ROR2: variants seen among roughly 807,000 people sequenced by gnomAD.
ROR2 encodes ROR family WNT receptor 2.
In ROR2, 33 loss-of-function variants were observed where a neutral mutation model predicts 74.9. The ratio of observed to expected loss-of-function variants is 0.44; its 90% CI spans 0.33 to 0.59. ROR2 has a LOEUF of 0.59. Ranked by LOEUF, ROR2 falls within the 20% of genes least tolerant of loss-of-function variation. The pLI is 0.02. For synonymous variants in ROR2, 586 were observed against 558.7 expected, an observed-to-expected ratio of 1.05 and a Z score of -0.69; for missense variants, 1,216 against 1,313.8, an observed-to-expected ratio of 0.93 and a Z score of 1.15.
intron 1 of ROR2, among the ~76,000 whole-genome samples, chr9:91,821,172 G>C (rs1208374233): frequency 6.6e-6 from 1 of 151,886 alleles, no homozygotes; most frequent in Non-Finnish European, 1.5e-5. Flanking sequence ...AGGACACAGG[G>C]AGAAGACAGC....
intron 1 of ROR2, among the ~76,000 whole-genome samples, chr9:91,925,791 C>T (rs937066129): frequency 1.3e-5 from 2 of 152,130 alleles, no homozygotes; most frequent in African/African-American, 4.8e-5. Flanking sequence ...TTTGGGGGAC[C>T]GATCCTGAGG....
chr9:91,946,769 T>C (rs1832024516), intron 1 of ROR2, among the ~76,000 whole-genome samples: 1 of 147,810 alleles, frequency 6.8e-6, no homozygotes, highest in Non-Finnish European at 1.5e-5. Flanking sequence ...ACTAATAACT[T>C]TTCCCATCCT....
At chr9:91,917,447 A>T (rs937734848) in intron 1 of ROR2, among the ~76,000 whole-genome samples, 3 of 152,246 alleles carry the variant, frequency 2.0e-5, no homozygotes, top group Non-Finnish European at 4.4e-5. Context: ...CTGACACATT[A>T]TGCAGAGGGC....
At chr9:91,784,098 C>T (rs1183952859) in intron 1 of ROR2, among the ~76,000 whole-genome samples, 3 of 152,170 alleles carry the variant, frequency 2.0e-5, no homozygotes, top group Non-Finnish European at 4.4e-5. Flanking sequence ...AGACACCATG[C>T]TTGACCTGTC....
chr9:91,753,745 C>G (rs1040174038), intron 4 of ROR2, among the ~76,000 whole-genome samples: 1 of 152,090 alleles, frequency 6.6e-6, no homozygotes, highest in Non-Finnish European at 1.5e-5. Context: ...CTCAAATACA[C>G]TGAGATGGAA....
chr9:91,733,114 G>A lies in ROR2; in HGVS notation c.937+8C>T, dbSNP rs760833343. On this transcript the variant is annotated splice_region_variant and intron_variant, in intron 6 of 8. Coordinates refer to ENST00000375708, the MANE Select transcript of ROR2 (RefSeq NM_004560.4). This position sits in a 1 kb window ranked among gnomAD's most constrained non-coding sequence, Gnocchi z 5.7. Reference sequence around the variant, plus strand: ...CCCCGGTCCCGCCCCGGGCCCTCGGGCACTCACAGCGGCCCAGCCTCTCGG... The same window carrying A: ...CCCCGGTCCCGCCCCGGGCCCTCGGACACTCACAGCGGCCCAGCCTCTCGG... The A allele has an allele frequency of 1.6e-5, 26 of 1,586,882 alleles. No homozygotes were observed. Among genetic ancestry groups the A allele is most frequent in the Middle Eastern group, 1.8e-4 (1 of 5,584 alleles).
chr9:91,792,469 C>A (rs952570463), intron 1 of ROR2, among the ~76,000 whole-genome samples: 2 of 152,158 alleles, frequency 1.3e-5, no homozygotes, highest in Admixed American at 6.5e-5. Context: ...CCACCACGCC[C>A]AGCTAATTTT....
chr9:91,867,674 G>C (rs1750769078), intron 1 of ROR2, among the ~76,000 whole-genome samples: 2 of 151,406 alleles, frequency 1.3e-5, no homozygotes, highest in South Asian at 2.1e-4. Flanking sequence ...GTGTGTGTGT[G>C]TGTGTGTGTG....
In ROR2 at chr9:91,754,241, T is replaced by A. The variant is rs144932764; in HGVS notation, c.494+1830A>T. Among the ~76,000 whole-genome samples the A allele has an allele frequency of 2.8e-3, 423 of 150,556 alleles. 3 individuals carry two copies. Among genetic ancestry groups the A allele is most frequent in the Non-Finnish European group, 5.1e-3 (343 of 67,736 alleles). On this transcript the variant is annotated intron_variant, in intron 4 of 8. Transcript: ENST00000375708. ...CAATTTGTATATAAATATATGAATG[T>A]TTAATATTTGTATAATTATAGCTCT...
chr9:91,783,575 C>T (rs1369693433), intron 1 of ROR2, among the ~76,000 whole-genome samples: 1 of 151,582 alleles, frequency 6.6e-6, no homozygotes, highest in African/African-American at 2.4e-5. Context: ...CGGCAGTCCT[C>T]CCACTTCACC....
chr9:91,855,379 T>A (rs575912516), intron 1 of ROR2, among the ~76,000 whole-genome samples: 1 of 152,308 alleles, frequency 6.6e-6, no homozygotes, highest in East Asian at 1.9e-4. Context: ...CCCAGAGAGA[T>A]CAGGGCACGG....
At chr9:91,781,157 G>A (rs1826607671) in intron 1 of ROR2, among the ~76,000 whole-genome samples, 1 of 152,168 alleles carries the variant, frequency 6.6e-6, no homozygotes, top group Non-Finnish European at 1.5e-5. Flanking sequence ...TGGCATTCTT[G>A]GATTTGGTTG....
At chr9:91,843,351 G>C (rs534628985) in intron 1 of ROR2, among the ~76,000 whole-genome samples, 4 of 152,358 alleles carry the variant, frequency 2.6e-5, no homozygotes, top group Admixed American at 6.5e-5. Flanking sequence ...CCGTGGGGCA[G>C]GTCAGGTGCA....
intron 1 of ROR2, among the ~76,000 whole-genome samples, chr9:91,801,114 T>C (rs942742629): frequency 6.6e-6 from 1 of 152,082 alleles, no homozygotes; most frequent in Non-Finnish European, 1.5e-5. Flanking sequence ...CATTTTCATA[T>C]GTAAAGAATT....
intron 1 of ROR2, among the ~76,000 whole-genome samples, chr9:91,838,458 C>T (rs1267913980): frequency 6.6e-6 from 1 of 152,226 alleles, no homozygotes; most frequent in African/African-American, 2.4e-5. Flanking sequence ...CGCCTGGTCA[C>T]AGCCGCTATC....
chr9:91,775,869 C>A (rs369002871), intron 1 of ROR2, 51 bp from the exon 2 acceptor site: 100 of 1,519,264 alleles, frequency 6.6e-5, no homozygotes, highest in Non-Finnish European at 8.3e-5. Flanking sequence ...CTTTCAGGAG[C>A]CTTTAATTTG....
At chr9:91,938,815 C>T (rs988587798) in intron 1 of ROR2, among the ~76,000 whole-genome samples, 2 of 152,158 alleles carry the variant, frequency 1.3e-5, no homozygotes, top group Admixed American at 6.5e-5. Context: ...GTAGAATAAC[C>T]CACAGTTGAG....
intron 1 of ROR2, among the ~76,000 whole-genome samples, chr9:91,882,965 T>C (rs533311643): frequency 5.3e-5 from 8 of 152,242 alleles, no homozygotes; most frequent in South Asian, 2.1e-4. Flanking sequence ...AGAAAACTAA[T>C]AGAGATATAT....
At chr9:91,949,128 C>G (rs188831358) in intron 1 of ROR2, among the ~76,000 whole-genome samples, 2 of 151,002 alleles carry the variant, frequency 1.3e-5, no homozygotes, top group African/African-American at 4.9e-5. Flanking sequence ...GTCCCCCCGG[C>G]GCGGCCAGAA....
Sources: gnomAD v4.1 joint callset for allele counts (sites outside exome capture counted in the v4.1 genomes callset) on GRCh38, gnomAD v4.1.1 for gene constraint, Gnocchi (gnomAD v3.1) non-coding constraint, MANE v1.5 for transcripts, NCBI Gene and HGNC (gene_info 2026-07-23, HGNC 2026-07-21) for gene names.